Variants in DOP1B observed in about 807,000 individuals in gnomAD.
The protein encoded by DOP1B is DOP1 leucine zipper like protein B, also known as protein DOP1B.
DOP1B carries 174 observed loss-of-function variants against 233.5 expected under a neutral mutation model. The ratio of observed to expected loss-of-function variants is 0.75; its 90% CI spans 0.66 to 0.85. The LOEUF is 0.85. Ranked by LOEUF, DOP1B falls within the 40% of genes least tolerant of loss-of-function variation. DOP1B has a pLI of 0.00. For missense variants in DOP1B, 2,652 were observed against 2,846.6 expected (o/e 0.93, Z 1.56); for synonymous variants, 1,190 against 1,185.6 (o/e 1.00, Z -0.08).
Position 36,199,077 on chromosome 21 carries a change from A to G in DOP1B, c.146A>G (p.Gln49Arg), listed in dbSNP as rs751600011. The G allele has an allele frequency of 6.2e-7, 1 of 1,608,394 alleles. No individual in the cohort carries two copies. Among genetic ancestry groups the G allele is most frequent in the Non-Finnish European group, 8.5e-7 (1 of 1,178,502 alleles). ...TTTTGTCTTGTTTGACAGGCTCTTC[A>G]GAGTAACCTGAGGTACTCCTTGTTG... The part of the protein sequence containing the change: ...SSLGKLNKAL[Q>R]SNLRYSLLPR... The change falls in exon 3 of 37, where the codon CAG becomes CGG. Residue 49 changes from glutamine (Q) to arginine (R), a missense_variant. Physicochemically the swap from Gln to Arg is conservative, Grantham distance 43 (BLOSUM62 1). Coordinates refer to ENST00000691173, the MANE Select transcript of DOP1B (RefSeq NM_001320714.2).
chr21:36,266,015 C>G (rs193296947), intron 26 of DOP1B, among the ~76,000 whole-genome samples: 1 of 152,006 alleles, frequency 6.6e-6, no homozygotes, highest in Admixed American at 6.6e-5. Flanking sequence ...CACAAGACTG[C>G]CCCACCCCCT....
chr21:36,248,280 C>A, intron 20 of DOP1B, 100 bp from the exon 21 acceptor site: 2 of 1,256,850 alleles, frequency 1.6e-6, no homozygotes, highest in Non-Finnish European at 2.2e-6. Context: ...AGAAGAGAGT[C>A]CAACAGCCCA....
chr21:36,231,151 C>G lies in DOP1B; in HGVS notation c.2350+17C>G. ...AGCTGCCAGGTGAGAGGCAGCCCTGCCGAAGTCCCTCTTTGGGAATCATAC... is the reference window on the plus strand; with the variant it reads ...AGCTGCCAGGTGAGAGGCAGCCCTGGCGAAGTCCCTCTTTGGGAATCATAC... On this transcript the variant is annotated intron_variant, in intron 14 of 36. Coordinates refer to ENST00000691173, the MANE Select transcript of DOP1B (RefSeq NM_001320714.2). 6.4e-7 allele frequency: 1 copy of G among 1,558,686 alleles called. No individual in the cohort carries two copies. The highest frequency in any genetic ancestry group is 8.7e-7 in the Non-Finnish European group (1 of 1,149,716).
At chr21:36,249,715 T>C (rs1194776483) in intron 21 of DOP1B, among the ~76,000 whole-genome samples, 1 of 152,208 alleles carries the variant, frequency 6.6e-6, no homozygotes, top group Non-Finnish European at 1.5e-5. Context: ...TCGCTCACCA[T>C]CTGTGTTACT....
At chr21:36,203,966 C>T (rs2066400626) in intron 4 of DOP1B, among the ~76,000 whole-genome samples, 1 of 151,844 alleles carries the variant, frequency 6.6e-6, no homozygotes, top group Non-Finnish European at 1.5e-5. Context: ...AAGCACTAAA[C>T]TCTTCTTCTC....
intron 5 of DOP1B, among the ~76,000 whole-genome samples, chr21:36,210,709 G>C (rs2066486548): frequency 6.6e-6 from 1 of 152,172 alleles, no homozygotes; most frequent in Non-Finnish European, 1.5e-5. Flanking sequence ...CTACTCAGCT[G>C]TCTGAGACAC....
chr21:36,275,095 T>G (rs991788009), intron 27 of DOP1B, among the ~76,000 whole-genome samples: 2 of 152,084 alleles, frequency 1.3e-5, no homozygotes, highest in Non-Finnish European at 2.9e-5. Context: ...TCTGCCCGCC[T>G]TGGCCTCCCA....
At chr21:36,272,652 A>C (rs2146236885) in intron 27 of DOP1B, among the ~76,000 whole-genome samples, 2 of 146,948 alleles carry the variant, frequency 1.4e-5, no homozygotes, top group South Asian at 4.3e-4. Flanking sequence ...TCCATCTCAA[A>C]AAAAAAAAAA....
chr21:36,221,981 C>T (rs1258688400), intron 10 of DOP1B, among the ~76,000 whole-genome samples: 1 of 152,172 alleles, frequency 6.6e-6, no homozygotes, highest in African/African-American at 2.4e-5. Flanking sequence ...AAGCAATTTT[C>T]GTGCCTCAGC....
chr21:36,208,415 GC>G (rs1406262294), intron 4 of DOP1B, among the ~76,000 whole-genome samples: 3 of 152,180 alleles, frequency 2.0e-5, no homozygotes, highest in Non-Finnish European at 4.4e-5. Flanking sequence ...CCGTGGCACG[GC>G]CAGGGTGGAG....
At chr21:36,207,185 C>CT (rs2066436402) in intron 4 of DOP1B, among the ~76,000 whole-genome samples, 1 of 144,316 alleles carries the variant, frequency 6.9e-6, no homozygotes, top group Non-Finnish European at 1.5e-5. Flanking sequence ...TTCTTTTTTT[C>CT]TTTTCTTTTT....
intron 2 of DOP1B, chr21:36,168,894 G>GTTT: frequency 5.1e-6 from 2 of 394,894 alleles, no homozygotes; most frequent in African/African-American, 2.1e-5. Context: ...CTCCCTGTGG[G>GTTT]TTTTTTTTTT....
chr21:36,240,602 A>T (rs1394397744), intron 18 of DOP1B, among the ~76,000 whole-genome samples: 1 of 152,240 alleles, frequency 6.6e-6, no homozygotes, highest in African/African-American at 2.4e-5. Flanking sequence ...TAATCAGATT[A>T]TCAGAAATGA....
In DOP1B at chr21:36,230,140, C is replaced by T. The variant is rs144894453; in HGVS notation, c.1666-310C>T. The stretch of plus-strand genomic sequence containing the variant: ...CTTGAGCCACCACGCCTGGCAGAAA[C>T]AATTCTTAAACAACTTTTTTGAACT... On this transcript the variant is annotated intron_variant, in intron 13 of 36. Coordinates refer to ENST00000691173, the MANE Select transcript of DOP1B (RefSeq NM_001320714.2). 2.3e-3 allele frequency among the ~76,000 whole-genome samples: 353 copies of T among 152,226 alleles called. 1 individual carries two copies. Among genetic ancestry groups the T allele is most frequent in the African/African-American group, 7.8e-3 (324 of 41,550 alleles).
At chr21:36,269,721 C>G (rs773918481) in intron 26 of DOP1B, among the ~76,000 whole-genome samples, 2 of 151,902 alleles carry the variant, frequency 1.3e-5, no homozygotes, top group Admixed American at 6.6e-5. Context: ...CAGGGTTTCA[C>G]CATGTTGGCC....
intron 2 of DOP1B, among the ~76,000 whole-genome samples, chr21:36,173,306 G>A (rs140008913): frequency 2.4e-3 from 361 of 152,106 alleles, no homozygotes; most frequent in Admixed American, 5.2e-3. Flanking sequence ...TAAGAAAACT[G>A]GTTCCCAGAA....
In DOP1B at chr21:36,270,125, T is replaced by C; in HGVS notation, c.5600T>C (p.Leu1867Pro). The change falls in exon 27 of 37, where the codon CTA (leucine) becomes CCA (proline). Residue 1867 changes from leucine (L) to proline (P), a missense_variant. By Grantham distance (98) the Leu-to-Pro change is moderately conservative. Around this residue, in one of 3 missense-constraint regions of DOP1B, gnomAD observed 2,617 missense variants for 2,794.3 expected, o/e 0.94. Transcript: ENST00000691173. ...LEVKAQPQAS[L>P]EESDAEEDLY... The stretch of plus-strand genomic sequence containing the variant: ...GTGAAGGCCCAACCTCAGGCCTCTC[T>C]AGAAGAATCTGATGCTGAGGAGGAC... 6.2e-7 allele frequency: 1 copy of C among 1,614,172 alleles called. No individual in the cohort carries two copies. Among genetic ancestry groups the C allele is most frequent in the South Asian group, 1.1e-5 (1 of 91,084 alleles).
At chr21:36,268,292 G>A (rs896152015) in intron 26 of DOP1B, among the ~76,000 whole-genome samples, 1 of 152,080 alleles carries the variant, frequency 6.6e-6, no homozygotes, top group Non-Finnish European at 1.5e-5. Context: ...AGAATTTAGC[G>A]ATATCTTCCC....
intron 27 of DOP1B, 73 bp from the exon 28 acceptor site, chr21:36,276,948 C>A: frequency 6.7e-7 from 1 of 1,483,160 alleles, no homozygotes; most frequent in Non-Finnish European, 9.3e-7. Flanking sequence ...CACATTCATG[C>A]AGGGCTTTTG....
Sources: allele counts gnomAD v4.1 joint callset (sites outside exome capture counted in the v4.1 genomes callset), GRCh38; gene constraint gnomAD v4.1.1; regional missense constraint gnomAD v4.1.1; transcripts MANE v1.5; gene names NCBI Gene and HGNC (gene_info 2026-07-23, HGNC 2026-07-21).